USO1: variants seen among roughly 807,000 people sequenced by gnomAD.
USO1 encodes the protein general vesicular transport factor p115.
In USO1, 57 loss-of-function variants were observed where a neutral mutation model predicts 124.5. The ratio of observed to expected loss-of-function variants is 0.46; its 90% CI spans 0.37 to 0.57. The LOEUF (loss-of-function observed/expected upper bound fraction) is 0.57. Ranked by LOEUF, USO1 falls within the 20% of genes least tolerant of loss-of-function variation. The pLI is 0.00. For synonymous variants in USO1, 369 were observed against 362.8 expected (o/e 1.02, Z -0.19); for missense variants, 900 against 1,040.6 (o/e 0.86, Z 1.86).
chr4:75,747,338 G>T (rs1196705703), intron 1 of USO1, among the ~76,000 whole-genome samples: 1 of 152,066 alleles, frequency 6.6e-6, no homozygotes, highest in East Asian at 1.9e-4. Context: ...GTACAGTGAC[G>T]CATCCACAGC....
Position 75,813,383 on chromosome 4 carries a change from T to C in USO1, c.*88T>C. ...GGTTTACCTCCATGGAAAATAAAGA[T>C]TTAGAAACCAGGTGGAAAACATTCA... is the stretch of plus-strand genomic sequence containing the variant. On this transcript the variant is annotated 3_prime_UTR_variant, in exon 24 of 24. Transcript: ENST00000514213. The C allele has an allele frequency of 7.4e-7, 1 of 1,354,390 alleles. No individual in the cohort carries two copies. Among genetic ancestry groups the C allele is most frequent in the Non-Finnish European group, 9.7e-7 (1 of 1,030,996 alleles). 83.9% of individuals were successfully genotyped at this position (1,354,390 alleles called of 1,614,324 possible).
chr4:75,768,189 T>A (rs1322983243), intron 4 of USO1, among the ~76,000 whole-genome samples: 1 of 152,110 alleles, frequency 6.6e-6, no homozygotes, highest in Non-Finnish European at 1.5e-5. Context: ...CCTAAATTTT[T>A]ATTTTTTGTA....
chr4:75,796,457 T>C (rs1308964526), intron 13 of USO1, among the ~76,000 whole-genome samples: 1 of 151,790 alleles, frequency 6.6e-6, no homozygotes, highest in East Asian at 1.9e-4. Flanking sequence ...TGCCTCAGCC[T>C]CCTGAGTAGC....
chr4:75,738,479 TTTTG>T (rs1409240902), intron 1 of USO1, among the ~76,000 whole-genome samples: 1 of 151,992 alleles, frequency 6.6e-6, no homozygotes, highest in Non-Finnish European at 1.5e-5. Context: ...TTAAGTCTTT[TTTTG>T]TTTGTTTGTT....
At chr4:75,771,248 G>A in intron 7 of USO1, 111 bp downstream of exon 7, 2 of 1,257,320 alleles carry the variant, frequency 1.6e-6, no homozygotes, top group Non-Finnish European at 2.1e-6. Flanking sequence ...CTGGAGTAAT[G>A]ACCTTTTTTT....
rs1720334306 is a variant in USO1 at position 75,724,683 on chromosome 4, C to T, written c.-137C>T. 2 of 843,024 alleles carry T rather than the reference C, an allele frequency of 2.4e-6. No homozygotes were observed. Among genetic ancestry groups the T allele is most frequent in the Non-Finnish European group, 3.7e-6 (2 of 546,012 alleles). The allele number at this position is 843,024 out of a possible 1,614,324, so 52.2% of individuals were successfully genotyped here. A position where few individuals can be genotyped will look rare whatever the true frequency, so the allele number is the denominator to read the frequency against. On this transcript the variant is annotated 5_prime_UTR_variant, in exon 1 of 24. Transcript: ENST00000514213. The stretch of plus-strand genomic sequence containing the variant: ...TCCGGGCTTAGAGGGCTGGAGTGGC[C>T]GCCGAGTTGGAGGCGGTGGTGGCAG...
chr4:75,757,112 A>G (rs56370630), intron 3 of USO1, among the ~76,000 whole-genome samples: 136,551 of 151,666 alleles, frequency 0.9, 61,602 homozygotes, highest in African/African-American at 0.97. Flanking sequence ...TACTAAATGG[A>G]ATAACTGTGC....
chr4:75,788,575 T>C (rs1722438392), intron 10 of USO1, among the ~76,000 whole-genome samples: 2 of 148,938 alleles, frequency 1.3e-5, no homozygotes, highest in Admixed American at 1.4e-4. Context: ...GGAGTTTCGC[T>C]CTTGTTGCCC....
chr4:75,736,771 T>C (rs1275727466), intron 1 of USO1, among the ~76,000 whole-genome samples: 4 of 152,236 alleles, frequency 2.6e-5, no homozygotes, highest in African/African-American at 9.6e-5. Context: ...ATTATTATGT[T>C]TCTCAGAGCA....
intron 22 of USO1, among the ~76,000 whole-genome samples, chr4:75,810,744 T>G (rs1723125603): frequency 6.6e-6 from 1 of 152,214 alleles, no homozygotes. Flanking sequence ...TTTGTTTTGT[T>G]TTTTTGAGAT....
At chr4:75,771,474 G>C (rs558623737) in intron 7 of USO1, among the ~76,000 whole-genome samples, 1 of 152,282 alleles carries the variant, frequency 6.6e-6, no homozygotes, top group South Asian at 2.1e-4. Flanking sequence ...TTTTGGGTTA[G>C]ACAAACCATT....
At chr4:75,733,756 A>G (rs1720706423) in intron 1 of USO1, among the ~76,000 whole-genome samples, 1 of 152,018 alleles carries the variant, frequency 6.6e-6, no homozygotes, top group Non-Finnish European at 1.5e-5. Flanking sequence ...GTTTTCTCCC[A>G]GGTTATAAGT....
chr4:75,808,277 C>A (rs1723049641), intron 20 of USO1, among the ~76,000 whole-genome samples: 2 of 152,168 alleles, frequency 1.3e-5, no homozygotes, highest in Admixed American at 6.5e-5. Flanking sequence ...CTACTGCTTT[C>A]ATCTGTGTTT....
At chr4:75,781,218 A>G (rs1034936532) in intron 8 of USO1, among the ~76,000 whole-genome samples, 1 of 152,208 alleles carries the variant, frequency 6.6e-6, no homozygotes, top group Admixed American at 6.5e-5. Context: ...AAGATGTGGT[A>G]TAAATAACAG....
At position 75,799,723 on chromosome 4, in the gene USO1, T is replaced by C. The variant is rs925213021; in HGVS notation, c.1554T>C (p.Asn518=). 5.6e-6 allele frequency: 9 copies of C among 1,613,654 alleles called. No individual in the cohort carries two copies. The highest frequency in any genetic ancestry group is 7.6e-6 in the Non-Finnish European group (9 of 1,179,770). Residue 518 remains asparagine (N), a synonymous_variant, in exon 14 of 24, where the codon AAT becomes AAC. Coordinates refer to ENST00000514213, the MANE Select transcript of USO1 (RefSeq NM_003715.4). The part of the protein sequence containing the change: ...AVTHFLHNSA[N]VPFLTGQIAE... Reference sequence around the variant, plus strand: ...CGCATTTTCTTCACAATTCAGCCAATGTTCCATTTGTATCCTTTATGTTTT... The same window carrying C: ...CGCATTTTCTTCACAATTCAGCCAACGTTCCATTTGTATCCTTTATGTTTT...
chr4:75,782,180 T>C (rs187000571), intron 8 of USO1, among the ~76,000 whole-genome samples: 2 of 152,326 alleles, frequency 1.3e-5, no homozygotes, highest in East Asian at 1.9e-4. Context: ...AAATAAGATA[T>C]GGTTGATTCA....
At chr4:75,805,916 T>C (rs324684) in intron 19 of USO1, among the ~76,000 whole-genome samples, 152,318 of 152,318 alleles carry the variant, frequency 1, 76,159 homozygotes, top group Non-Finnish European at 1. Context: ...TAATAAATGT[T>C]TGCTTTTATG....
intron 9 of USO1, among the ~76,000 whole-genome samples, chr4:75,783,822 C>T (rs1488438384): frequency 6.6e-6 from 1 of 152,126 alleles, no homozygotes; most frequent in Non-Finnish European, 1.5e-5. Context: ...TGCAGTTACC[C>T]TAGTTAGAAT....
chr4:75,724,966 C>T lies in USO1; in HGVS notation c.66+81C>T, dbSNP rs746762517. The T allele has an allele frequency of 5.4e-6, 8 of 1,484,844 alleles. No homozygotes were observed. In the East Asian group the frequency reaches 1.2e-4, roughly 22 times the overall value. The allele number at this position is 1,484,844 out of a possible 1,614,324, so 92.0% of individuals were successfully genotyped here. ...GGAGCACTCGGAGACCCGAAGGTCA[C>T]CTCCAGCGTCCCACCATGGAGGGGG... On this transcript the variant is annotated intron_variant, in intron 1 of 23. Coordinates refer to ENST00000514213, the MANE Select transcript of USO1 (RefSeq NM_003715.4).
Sources: allele counts gnomAD v4.1 joint callset (sites outside exome capture counted in the v4.1 genomes callset), GRCh38; gene constraint gnomAD v4.1.1; transcripts MANE v1.5; gene names NCBI Gene and HGNC (gene_info 2026-07-23, HGNC 2026-07-21).